TMEM132A: variants seen among roughly 807,000 people sequenced by gnomAD.
The protein encoded by TMEM132A is transmembrane protein 132A.
A neutral mutation model predicts 69.9 loss-of-function variants in TMEM132A; 48 were observed. The ratio of observed to expected loss-of-function variants is 0.69; its 90% confidence interval spans 0.55 to 0.87. TMEM132A has a LOEUF of 0.87. Among genes scored for constraint, TMEM132A ranks in the 40% least tolerant of loss-of-function variants. TMEM132A has a pLI of 0.00. For missense variants in TMEM132A, 1,287 were observed against 1,407.2 expected, an observed-to-expected ratio of 0.91 and a Z score of 1.37; for synonymous variants, 577 against 613.7, an observed-to-expected ratio of 0.94 and a Z score of 0.88.
Position 60,931,792 on chromosome 11 carries a change from C to G in TMEM132A, c.1120C>G (p.Pro374Ala). The G allele has an allele frequency of 5.6e-6, 9 of 1,614,222 alleles. No individual in the cohort carries two copies. Among genetic ancestry groups the G allele is most frequent in the Non-Finnish European group, 7.6e-6 (9 of 1,180,038 alleles). Residue 374 changes from proline (P) to alanine (A), a missense_variant, in exon 6 of 11, where the codon CCA (proline) becomes GCA (alanine). By Grantham distance (27) the Pro-to-Ala change is conservative. Coordinates refer to ENST00000453848, the MANE Select transcript of TMEM132A (RefSeq NM_178031.3). ...CCCCGTCACGTGGCAGCTGGAGTAC[C>G]CAGGCCAGGCCCCTGAAGCAGAGAA... ...TRPVTWQLEY[P>A]GQAPEAEKDK...
intron 1 of TMEM132A, among the ~76,000 whole-genome samples, chr11:60,925,010 C>T (rs1320116343): frequency 1.3e-5 from 2 of 152,100 alleles, no homozygotes; most frequent in East Asian, 3.9e-4. Flanking sequence ...TGCGAGGGAC[C>T]CCTCAGCCCG....
intron 8 of TMEM132A, chr11:60,934,141 G>A (rs1282661132): frequency 1.4e-5 from 5 of 368,612 alleles, no homozygotes; most frequent in Non-Finnish European, 2.4e-5. Context: ...CTCGGAGGGG[G>A]CTCCCCAAAA....
rs1856617146 is a variant in TMEM132A, at chr11:60,936,798, C to A, written c.2963C>A (p.Ser988Tyr). The change falls in exon 11 of 11, where the codon TCC (serine) becomes TAC (tyrosine). Residue 988 changes from serine (S) to tyrosine (Y), a missense_variant. Ser to Tyr is a moderately radical substitution (Grantham distance 144, BLOSUM62 -2). Transcript: ENST00000453848. ...EEPVGAPAVQ[S>Y]ILVAGEEDIR... The stretch of plus-strand genomic sequence containing the variant: ...CCTGTAGGGGCCCCTGCTGTGCAGT[C>A]CATCCTTGTGGCAGGCGAGGAGGAC... 6.2e-7 allele frequency: 1 copy of A among 1,613,332 alleles called. No individual in the cohort carries two copies. The highest frequency in any genetic ancestry group is 8.5e-7 in the Non-Finnish European group (1 of 1,179,742).
At position 60,931,998 on chromosome 11, in the gene TMEM132A, G is replaced by T. The variant is rs368664468; in HGVS notation, c.1227G>T (p.Val409=). Residue 409 remains valine (V), a synonymous_variant, in exon 7 of 11, where the codon GTG becomes GTT. Coordinates refer to ENST00000453848, the MANE Select transcript of TMEM132A (RefSeq NM_178031.3). Reference sequence around the variant, plus strand: ...TCCACCCCCAGGCTGAGGAGCTGGTGAATACAGCACCACTGACTGGAGTGC... The same window carrying T: ...TCCACCCCCAGGCTGAGGAGCTGGTTAATACAGCACCACTGACTGGAGTGC... The part of the protein sequence containing the change: ...LIPLAKAEEL[V]NTAPLTGVPQ... The T allele has an allele frequency of 5.5e-5, 88 of 1,607,256 alleles. No homozygotes were observed. Among genetic ancestry groups the T allele is most frequent in the Admixed American group, 1.7e-4 (10 of 59,002 alleles).
chr11:60,926,994 G>C (rs967970315), intron 1 of TMEM132A: 3 of 619,752 alleles, frequency 4.8e-6, no homozygotes, highest in Non-Finnish European at 8.7e-6. Context: ...CCTGGACTCA[G>C]ATTCGAATCC....
At chr11:60,934,231 G>C in intron 8 of TMEM132A, 2 of 406,610 alleles carry the variant, frequency 4.9e-6, no homozygotes, top group Non-Finnish European at 8.6e-6. Flanking sequence ...GTCCCCGTAA[G>C]AGAGCGTCTC....
At position 60,933,700 on chromosome 11, in the gene TMEM132A, C is replaced by T. The variant is rs1419115918; in HGVS notation, c.1515C>T (p.Thr505=). The T allele has an allele frequency of 1.9e-6, 3 of 1,600,726 alleles. No individual in the cohort carries two copies. The Admixed American group carries it at 5.1e-5, about 27-fold the overall frequency. The change falls in exon 8 of 11, where the codon ACC becomes ACT. Residue 505 remains threonine (T), a synonymous_variant. Transcript: ENST00000453848. ...LPLRIELTDT[T]LEQVRGWRVP... Reference sequence around the variant, plus strand: ...TGCGTATCGAGCTCACCGACACCACCCTCGAGCAGGTCCGCGGCTGGAGGG... The same window carrying T: ...TGCGTATCGAGCTCACCGACACCACTCTCGAGCAGGTCCGCGGCTGGAGGG...
Position 60,927,434 on chromosome 11 carries a change from C to T in TMEM132A, c.315+16C>T, listed in dbSNP as rs375305600. Reference sequence around the variant, plus strand: ...CACTCAGCAGGTAAGGAGGGGGCACCGGGGACTCTCAGGCTAACAGGACTC... The same window carrying T: ...CACTCAGCAGGTAAGGAGGGGGCACTGGGGACTCTCAGGCTAACAGGACTC... On this transcript the variant is annotated intron_variant, in intron 2 of 10. Coordinates refer to ENST00000453848, the MANE Select transcript of TMEM132A (RefSeq NM_178031.3). 1.2e-5 allele frequency: 19 copies of T among 1,601,408 alleles called. No homozygotes were observed. Among genetic ancestry groups the T allele is most frequent in the Admixed American group, 1.7e-5 (1 of 58,934 alleles).
In TMEM132A at chr11:60,933,579, A is replaced by G; in HGVS notation, c.1394A>G (p.Lys465Arg). The change falls in exon 8 of 11, where the codon AAG (lysine) becomes AGG (arginine). Residue 465 changes from lysine (K) to arginine (R), a missense_variant. Physicochemically the swap from Lys to Arg is conservative, Grantham distance 26 (BLOSUM62 2). Transcript: ENST00000453848. ...EACDAVFVAG[K>R]ESRGARGVRV... is the part of the protein sequence containing the mutation. The stretch of plus-strand genomic sequence containing the variant: ...TGTGATGCCGTGTTCGTGGCTGGCA[A>G]GGAGAGCCGGGGCGCCCGGGGGGTG... 2 of 1,607,772 alleles carry G rather than the reference A, an allele frequency of 1.2e-6. No individual in the cohort carries two copies. Among genetic ancestry groups the G allele is most frequent in the Non-Finnish European group, 1.7e-6 (2 of 1,179,256 alleles).
chr11:60,928,286 A>G (rs1176370995), intron 3 of TMEM132A, among the ~76,000 whole-genome samples: 1 of 152,186 alleles, frequency 6.6e-6, no homozygotes, highest in Non-Finnish European at 1.5e-5. Flanking sequence ...AATCCATGGG[A>G]GAGGCGTCTC....
chr11:60,933,703 C>T lies in TMEM132A; in HGVS notation c.1518C>T (p.Leu506=), dbSNP rs760318495. 12 of 1,597,984 alleles carry T rather than the reference C, an allele frequency of 7.5e-6. No homozygotes were observed. Among genetic ancestry groups the T allele is most frequent in the Non-Finnish European group, 1.0e-5 (12 of 1,174,202 alleles). The stretch of plus-strand genomic sequence containing the variant: ...GTATCGAGCTCACCGACACCACCCT[C>T]GAGCAGGTCCGCGGCTGGAGGGTAC... The part of the protein sequence containing the change: ...PLRIELTDTT[L]EQVRGWRVPG... The change falls in exon 8 of 11, where the codon CTC becomes CTT. Residue 506 remains leucine (L), a synonymous_variant. Transcript: ENST00000453848.
intron 8 of TMEM132A, chr11:60,934,067 G>T: frequency 2.2e-6 from 1 of 459,064 alleles, no homozygotes; most frequent in Non-Finnish European, 3.9e-6. Context: ...TTGAAGCTGC[G>T]GTCTGTCTAT....
intron 3 of TMEM132A, 95 bp downstream of exon 3, chr11:60,927,954 G>GTT: frequency 8.9e-7 from 1 of 1,120,642 alleles, no homozygotes; most frequent in Non-Finnish European, 1.2e-6. Flanking sequence ...CTCCTGGGAA[G>GTT]CGCGGGGGTT....
In TMEM132A at chr11:60,936,398, G is replaced by T; in HGVS notation, c.2563G>T (p.Gly855Ter). 2 of 1,614,170 alleles carry T rather than the reference G, an allele frequency of 1.2e-6. No individual in the cohort carries two copies. The highest frequency in any genetic ancestry group is 1.7e-6 in the Non-Finnish European group (2 of 1,180,004). Reference protein sequence around the residue: ...ELELGMYALLGVFCVAIFIFL... With the variant: ...ELELGMYALL ...AGAGCTGGGCATGTACGCCCTGCTG[G>T]GAGTCTTCTGCGTGGCCATCTTCAT... Residue 855 changes from glycine to a stop codon, truncating the protein, a stop_gained, in exon 11 of 11, where the codon GGA becomes TGA. Coordinates refer to ENST00000453848, the MANE Select transcript of TMEM132A (RefSeq NM_178031.3). LOFTEE classifies it low-confidence loss of function (END_TRUNC).
rs765892046 is a variant in TMEM132A, at chr11:60,927,670, C to T, written c.345C>T (p.His115=). 6.8e-6 allele frequency: 11 copies of T among 1,612,952 alleles called. No homozygotes were observed. In the South Asian group the frequency reaches 1.1e-4, roughly 16 times the overall value. The stretch of plus-strand genomic sequence containing the variant: ...TCCCCCCTCGAGTCACTGAGCCCCA[C>T]CAACGGCCAGTCCCATGGGACGTGC... ...QVVPPRVTEP[H]QRPVPWDVRA... Residue 115 remains histidine (H), a synonymous_variant, in exon 3 of 11, where the codon CAC becomes CAT. Coordinates refer to ENST00000453848, the MANE Select transcript of TMEM132A (RefSeq NM_178031.3).
rs1299573237 is a variant in TMEM132A at position 60,935,662 on chromosome 11, C to T, written c.2029-202C>T. On this transcript the variant is annotated intron_variant, in intron 10 of 10. Transcript: ENST00000453848. The surrounding 1 kb of genome is among the most constrained non-coding windows in gnomAD (Gnocchi z 5.0). ...GGTTAGATGGCTCTAACTGAGGACC[C>T]TCCCAATAACTCAGACCCTAGGGCT... 6 of 771,564 alleles carry T rather than the reference C, an allele frequency of 7.8e-6. No homozygotes were observed. 47.8% of individuals were successfully genotyped at this position (771,564 alleles called of 1,614,324 possible). A position where few individuals can be genotyped will look rare whatever the true frequency, so the allele number is the denominator to read the frequency against.
Position 60,927,430 on chromosome 11 carries a change from G to T in TMEM132A, c.315+12G>T. ...TTGCCACTCAGCAGGTAAGGAGGGGGCACCGGGGACTCTCAGGCTAACAGG... is the reference window on the plus strand; with the variant it reads ...TTGCCACTCAGCAGGTAAGGAGGGGTCACCGGGGACTCTCAGGCTAACAGG... On this transcript the variant is annotated intron_variant, in intron 2 of 10. Transcript: ENST00000453848. 1 of 1,604,456 alleles carries T rather than the reference G, an allele frequency of 6.2e-7. No homozygotes were observed. The highest frequency in any genetic ancestry group is 8.5e-7 in the Non-Finnish European group (1 of 1,174,908).
rs1856579519 is a variant in TMEM132A at position 60,935,742 on chromosome 11, C to G, written c.2029-122C>G. The G allele has an allele frequency of 1.7e-6, 2 of 1,186,002 alleles. No individual in the cohort carries two copies. Among genetic ancestry groups the G allele is most frequent in the Admixed American group, 4.3e-5 (2 of 47,050 alleles). The allele number at this position is 1,186,002 out of a possible 1,614,324, so 73.5% of individuals were successfully genotyped here. ...CCCTCTCTCCCTGTGTTTTGTCTAT[C>G]TGCCTGTGTCTCTGTTTTCTCTCTG... On this transcript the variant is annotated intron_variant, in intron 10 of 10. Transcript: ENST00000453848. This position sits in a 1 kb window ranked among gnomAD's most constrained non-coding sequence, Gnocchi z 5.0.
chr11:60,931,624 G>A lies in TMEM132A; in HGVS notation c.1017-65G>A, dbSNP rs1159321869. On this transcript the variant is annotated intron_variant, in intron 5 of 10. Coordinates refer to ENST00000453848, the MANE Select transcript of TMEM132A (RefSeq NM_178031.3). ...AAAATGGGGATAATCATGAATGCAG[G>A]AAGTGCTGAGGCCATGCCTGGCAGC... 4.0e-6 allele frequency: 6 copies of A among 1,482,266 alleles called. No homozygotes were observed. The South Asian group carries it at 6.4e-5, about 16-fold the overall frequency. 91.8% of individuals were successfully genotyped at this position (1,482,266 alleles called of 1,614,324 possible). A position where few individuals can be genotyped will look rare whatever the true frequency, so the allele number is the denominator to read the frequency against.
Sources: allele counts gnomAD v4.1 joint callset (sites outside exome capture counted in the v4.1 genomes callset), GRCh38; gene constraint gnomAD v4.1.1; non-coding constraint Gnocchi (gnomAD v3.1); transcripts MANE v1.5; gene names NCBI Gene and HGNC (gene_info 2026-07-23, HGNC 2026-07-21).